The following LCA5 variants were observed in gnomAD, a reference collection of about 807,000 sequenced individuals.
LCA5 encodes the protein lebercilin LCA5.
LCA5 carries 37 observed loss-of-function variants against 53.0 expected under a neutral mutation model. The ratio of observed to expected loss-of-function variants is 0.70; its 90% CI spans 0.54 to 0.92. The LOEUF (loss-of-function observed/expected upper bound fraction) is 0.92. LCA5 is among the 40% of genes least tolerant of loss of function. The probability of loss-of-function intolerance (pLI) is 0.00; values close to 1 mark genes in which losing one functional copy is unlikely to be tolerated. For missense variants in LCA5, 806 were observed against 790.5 expected (o/e 1.02, Z -0.23); for synonymous variants, 303 against 282.9 (o/e 1.07, Z -0.71).
chr6:79,523,901 A>G (rs1766701611), intron 1 of LCA5, among the ~76,000 whole-genome samples: 1 of 152,222 alleles, frequency 6.6e-6, no homozygotes, highest in South Asian at 2.1e-4. Context: ...TTAATGGCTT[A>G]TACCTTTATA....
At chr6:79,488,124 C>T (rs912854079) in intron 7 of LCA5, 5 of 427,994 alleles carry the variant, frequency 1.2e-5, no homozygotes, top group African/African-American at 8.2e-5. Context: ...GGTTCTTTGC[C>T]TATTTTTTAT....
At position 79,515,373 on chromosome 6, in the gene LCA5, A is replaced by G. The variant is rs1039245862; in HGVS notation, c.191-1632T>C. Among the ~76,000 whole-genome samples, 3 of 152,276 alleles carry G rather than the reference A, an allele frequency of 2.0e-5. No individual in the cohort carries two copies. The South Asian group carries it at 6.2e-4, about 32-fold the overall frequency. ...TTTCTTTTCTGTGATGTTCAAATCAAAAACCCTAATGTGAGAAGATGAAAA... is the reference window on the plus strand; with the variant it reads ...TTTCTTTTCTGTGATGTTCAAATCAGAAACCCTAATGTGAGAAGATGAAAA... On this transcript the variant is annotated intron_variant, in intron 2 of 7. Transcript: ENST00000369846.
intron 3 of LCA5, among the ~76,000 whole-genome samples, chr6:79,511,634 G>C (rs1463605730): frequency 3.3e-5 from 5 of 152,132 alleles, no homozygotes; most frequent in Admixed American, 3.3e-4. Flanking sequence ...GCTGAGTGCA[G>C]TTGATGAACT....
At chr6:79,529,351 T>G (rs191791245) in intron 1 of LCA5, among the ~76,000 whole-genome samples, 35 of 152,298 alleles carry the variant, frequency 2.3e-4, no homozygotes, top group Admixed American at 2.2e-3. Context: ...TGGTCCACTT[T>G]CAAGGCATGA....
At chr6:79,498,960 A>G (rs1469705399) in intron 3 of LCA5, among the ~76,000 whole-genome samples, 1 of 152,176 alleles carries the variant, frequency 6.6e-6, no homozygotes, top group Non-Finnish European at 1.5e-5. Context: ...ATTCCAAAAT[A>G]TGAATATTGT....
At chr6:79,534,024 G>A (rs751841803) in intron 1 of LCA5, among the ~76,000 whole-genome samples, 3 of 149,706 alleles carry the variant, frequency 2.0e-5, no homozygotes, top group Admixed American at 6.6e-5. Flanking sequence ...AAACCATATT[G>A]CTACATTTGG....
rs1766523059 is a variant in LCA5, at chr6:79,518,740, T to C, written c.155A>G (p.Lys52Arg). 1 of 1,614,016 alleles carries C rather than the reference T, an allele frequency of 6.2e-7. No homozygotes were observed. The highest frequency in any genetic ancestry group is 1.3e-5 in the African/African-American group (1 of 74,920). Residue 52 changes from lysine (K) to arginine (R), a missense_variant, in exon 2 of 8, where the codon AAA becomes AGA. By Grantham distance (26) the Lys-to-Arg change is conservative. Coordinates refer to ENST00000369846, the MANE Select transcript of LCA5 (RefSeq NM_001122769.3). ...TACTTGGCCATCTGAAGTTTGTCTT[T>C]TAGGATTTTTTCTCCTAACACTTGC... ...SPASVRRKNP[K>R]RQTSDGQVHH...
intron 6 of LCA5, among the ~76,000 whole-genome samples, chr6:79,489,806 TC>T (rs999992617): frequency 6.6e-6 from 1 of 152,116 alleles, no homozygotes; most frequent in African/African-American, 2.4e-5. Context: ...TTTCATCTTC[TC>T]CCTTTTAGTA....
intron 2 of LCA5, among the ~76,000 whole-genome samples, 182 bp from the exon 3 acceptor site, chr6:79,513,923 A>T (rs1435505510): frequency 6.6e-6 from 1 of 152,184 alleles, no homozygotes; most frequent in Non-Finnish European, 1.5e-5. Flanking sequence ...CTATTAAGAA[A>T]GGTATGCAAT....
upstream of LCA5, chr6:79,537,573 C>T (rs1018238086): frequency 6.6e-6 from 1 of 152,234 alleles, no homozygotes; most frequent in African/African-American, 2.4e-5. Context: ...ATTGGCCGAC[C>T]GCTCTAGCTG....
intron 2 of LCA5, among the ~76,000 whole-genome samples, chr6:79,514,099 C>T (rs907809016): frequency 6.6e-6 from 1 of 152,134 alleles, no homozygotes; most frequent in Non-Finnish European, 1.5e-5. Context: ...TGGTGCATAA[C>T]AAACACTGGA....
At chr6:79,523,575 C>T (rs1766690770) in intron 1 of LCA5, among the ~76,000 whole-genome samples, 1 of 152,160 alleles carries the variant, frequency 6.6e-6, no homozygotes, top group Non-Finnish European at 1.5e-5. Context: ...ATATGAGATG[C>T]TCAGTAAATT....
chr6:79,498,427 TC>T (rs1770042458), intron 3 of LCA5, among the ~76,000 whole-genome samples: 2 of 151,970 alleles, frequency 1.3e-5, no homozygotes. Flanking sequence ...ACCATTAAAC[TC>T]AATGAGAACA....
At chr6:79,521,661 A>C (rs1033292842) in intron 1 of LCA5, among the ~76,000 whole-genome samples, 2 of 152,200 alleles carry the variant, frequency 1.3e-5, no homozygotes, top group Admixed American at 1.3e-4. Context: ...TTATTTAAAA[A>C]AAACTTCTTC....
chr6:79,533,356 C>A (rs528273910), intron 1 of LCA5, among the ~76,000 whole-genome samples: 1 of 151,752 alleles, frequency 6.6e-6, no homozygotes, highest in African/African-American at 2.4e-5. Flanking sequence ...GAGGGGGGAG[C>A]GAGGGAGTGA....
chr6:79,525,472 C>A (rs1205605495), intron 1 of LCA5, among the ~76,000 whole-genome samples: 1 of 152,164 alleles, frequency 6.6e-6, no homozygotes, highest in African/African-American at 2.4e-5. Context: ...AGAGGCAACA[C>A]CCTCCTAGGC....
rs146597912 is a variant in LCA5, at chr6:79,508,039, T to C, written c.720+5173A>G. ...TGAGGCTGATACATTGACAGGACTT[T>C]ATTCAATAAATTTATTGATATAAAA... On this transcript the variant is annotated intron_variant, in intron 3 of 7. Coordinates refer to ENST00000369846, the MANE Select transcript of LCA5 (RefSeq NM_001122769.3). Among the ~76,000 whole-genome samples, 718 of 152,306 alleles carry C rather than the reference T, an allele frequency of 4.7e-3. 3 individuals are homozygous for C. The highest frequency in any genetic ancestry group is 7.2e-3 in the Non-Finnish European group (490 of 68,024).
At chr6:79,521,486 T>C (rs890299120) in intron 1 of LCA5, among the ~76,000 whole-genome samples, 1 of 152,206 alleles carries the variant, frequency 6.6e-6, no homozygotes, top group South Asian at 2.1e-4. Flanking sequence ...CTCAGACTTA[T>C]ACACATGTAC....
intron 1 of LCA5, among the ~76,000 whole-genome samples, chr6:79,533,104 T>C (rs1005876383): frequency 2.0e-5 from 3 of 152,162 alleles, no homozygotes; most frequent in African/African-American, 4.8e-5. Flanking sequence ...TCTAGGTTAA[T>C]TTTAAATAAC....
Sources: allele counts gnomAD v4.1 joint callset (sites outside exome capture counted in the v4.1 genomes callset), GRCh38; gene constraint gnomAD v4.1.1; transcripts MANE v1.5; gene names NCBI Gene and HGNC (gene_info 2026-07-23, HGNC 2026-07-21).